Variants in SASS6 observed in about 807,000 individuals in gnomAD.
SASS6 encodes SAS-6 centriolar assembly protein, also known as spindle assembly abnormal protein 6 homolog.
SASS6 carries 59 observed loss-of-function variants against 94.9 expected under a neutral mutation model. The observed-to-expected ratio is 0.62, with a 90% confidence interval of 0.50 to 0.77. The LOEUF (loss-of-function observed/expected upper bound fraction) is 0.77, where lower values mean the gene tolerates loss of function less well. Among genes scored for constraint, SASS6 ranks in the 30% least tolerant of loss-of-function variants. The pLI is 0.00. For missense variants in SASS6, 698 were observed against 734.1 expected (o/e 0.95, Z 0.57); for synonymous variants, 264 against 270.0 (o/e 0.98, Z 0.22).
chr1:100,122,066 A>C (rs571137040), intron 4 of SASS6, among the ~76,000 whole-genome samples: 1 of 152,364 alleles, frequency 6.6e-6, no homozygotes, highest in South Asian at 2.1e-4. Context: ...CAGTAAAAGA[A>C]TCAGGCGTTA....
intron 14 of SASS6, among the ~76,000 whole-genome samples, chr1:100,098,610 C>G (rs557387766): frequency 6.7e-6 from 1 of 150,204 alleles, no homozygotes; most frequent in Non-Finnish European, 1.5e-5. Context: ...TCTATTAGTA[C>G]CAGGCCACCG....
intron 3 of SASS6, 65 bp from the exon 4 acceptor site, chr1:100,122,549 C>CTTTTTTTT (rs71075469): frequency 2.2e-5 from 5 of 224,084 alleles, no homozygotes; most frequent in African/African-American, 6.9e-5. Flanking sequence ...GTTTTGGTGC[C>CTTTTTTTT]TTTTTTTTTT....
At chr1:100,132,318 G>A (rs777201856) in intron 1 of SASS6, among the ~76,000 whole-genome samples, 49 of 152,096 alleles carry the variant, frequency 3.2e-4, no homozygotes, top group Non-Finnish European at 3.2e-4. Context: ...GAACTTTACT[G>A]CCAACATACT....
chr1:100,114,156 G>A (rs980520169), intron 7 of SASS6, among the ~76,000 whole-genome samples: 2 of 152,244 alleles, frequency 1.3e-5, no homozygotes, highest in African/African-American at 4.8e-5. Flanking sequence ...GCTTCAACTA[G>A]GTGAGTGATC....
chr1:100,108,055 T>G (rs776170033), intron 8 of SASS6, 51 bp from the exon 9 acceptor site: 1 of 1,082,588 alleles, frequency 9.2e-7, no homozygotes, highest in Admixed American at 2.4e-5. Flanking sequence ...GGAAGCTGCC[T>G]CATCTGGTTA....
At position 100,083,951 on chromosome 1, in the gene SASS6, C is replaced by T. The variant is rs1328774520; in HGVS notation, c.*1377G>A. On this transcript the variant is annotated 3_prime_UTR_variant, in exon 17 of 17. Transcript: ENST00000287482. ...ACAATAAAGCTCCTTCCAAAATCAC[C>T]AAGAGGCTTCTTTCCAGAATAGCAA... 6.6e-6 allele frequency: 1 copy of T among 151,830 alleles called. No homozygotes were observed. The highest frequency in any genetic ancestry group is 1.5e-5 in the Non-Finnish European group (1 of 67,868). The allele number at this position is 151,830 out of a possible 1,614,324, so 9.4% of individuals were successfully genotyped here. A position where few individuals can be genotyped will look rare whatever the true frequency, so the allele number is the denominator to read the frequency against.
chr1:100,090,839 T>C (rs1294147951), intron 14 of SASS6, among the ~76,000 whole-genome samples: 1 of 151,924 alleles, frequency 6.6e-6, no homozygotes, highest in Non-Finnish European at 1.5e-5. Flanking sequence ...AAGGGAGAAA[T>C]CCTATAAAGT....
rs371541170 is a variant in SASS6 at position 100,098,853 on chromosome 1, G to A, written c.1674+4102C>T. Among the ~76,000 whole-genome samples the A allele has an allele frequency of 3.9e-5, 6 of 152,136 alleles. No individual in the cohort carries two copies. The South Asian group carries it at 1.2e-3, about 32-fold the overall frequency. On this transcript the variant is annotated intron_variant, in intron 14 of 16. Transcript: ENST00000287482. ...AGAACAATTGGCAAGTACTATTTATGTTTATATATAAAAACACTCATATAT... is the reference window on the plus strand; with the variant it reads ...AGAACAATTGGCAAGTACTATTTATATTTATATATAAAAACACTCATATAT...
intron 7 of SASS6, among the ~76,000 whole-genome samples, chr1:100,113,107 A>G (rs564452454): frequency 6.6e-6 from 1 of 152,320 alleles, no homozygotes; most frequent in African/African-American, 2.4e-5. Context: ...TCCATGGACA[A>G]TAGACAAGGA....
chr1:100,107,771 A>G, intron 9 of SASS6, 39 bp downstream of exon 9: 1 of 1,553,248 alleles, frequency 6.4e-7, no homozygotes, highest in Non-Finnish European at 8.8e-7. Flanking sequence ...TTACTTATAA[A>G]TATGATTATC....
chr1:100,126,143 C>T (rs770153782), intron 1 of SASS6, among the ~76,000 whole-genome samples: 1 of 152,168 alleles, frequency 6.6e-6, no homozygotes, highest in Non-Finnish European at 1.5e-5. Flanking sequence ...CAGTGTTTAA[C>T]CTAAAACTAA....
At position 100,084,563 on chromosome 1, in the gene SASS6, G is replaced by C. The variant is rs1340988172; in HGVS notation, c.*765C>G. On this transcript the variant is annotated 3_prime_UTR_variant, in exon 17 of 17. Transcript: ENST00000287482. ...ATAGTAGATTTAGTAGTAGTACCAAGTTTTAAAAGTCCACTGATACAGATT... is the reference window on the plus strand; with the variant it reads ...ATAGTAGATTTAGTAGTAGTACCAACTTTTAAAAGTCCACTGATACAGATT... 1.3e-5 allele frequency: 2 copies of C among 152,054 alleles called. No individual in the cohort carries two copies. Among genetic ancestry groups the C allele is most frequent in the African/African-American group, 2.4e-5 (1 of 41,428 alleles). The allele number at this position is 152,054 out of a possible 1,614,324, so 9.4% of individuals were successfully genotyped here.
intron 7 of SASS6, among the ~76,000 whole-genome samples, chr1:100,110,745 A>G (rs979155142): frequency 2.0e-5 from 3 of 151,946 alleles, no homozygotes; most frequent in Non-Finnish European, 4.4e-5. Flanking sequence ...CTAAATCCAT[A>G]TATGTTTAGG....
chr1:100,099,742 A>G (rs1652334032), intron 14 of SASS6, among the ~76,000 whole-genome samples: 1 of 152,204 alleles, frequency 6.6e-6, no homozygotes, highest in Non-Finnish European at 1.5e-5. Flanking sequence ...AATGCTGTGT[A>G]TTACTGTGTC....
At chr1:100,131,843 T>C (rs1211774874) in intron 1 of SASS6, among the ~76,000 whole-genome samples, 1 of 152,180 alleles carries the variant, frequency 6.6e-6, no homozygotes, top group Non-Finnish European at 1.5e-5. Context: ...CTGATCCTCA[T>C]TACAAACACG....
At chr1:100,127,097 A>G (rs663519) in intron 1 of SASS6, among the ~76,000 whole-genome samples, 59,988 of 152,092 alleles carry the variant, frequency 0.39, 12,249 homozygotes, top group Middle Eastern at 0.5. Context: ...GCTCATAAAC[A>G]TTAATCAAAT....
rs554003023 is a variant in SASS6 at position 100,108,737 on chromosome 1, C to G, written c.862-733G>C. ...AAACAAAATTCAAATCCTGGCTCTT[C>G]TACTGTGTGATCTTGGTAATTACTG... On this transcript the variant is annotated intron_variant, in intron 8 of 16. Coordinates refer to ENST00000287482, the MANE Select transcript of SASS6 (RefSeq NM_194292.3). Among the ~76,000 whole-genome samples the G allele has an allele frequency of 2.6e-5, 4 of 152,176 alleles. No homozygotes were observed. In the East Asian group the frequency reaches 7.7e-4, roughly 29 times the overall value.
At chr1:100,120,150 T>C (rs963731862) in intron 6 of SASS6, among the ~76,000 whole-genome samples, 1 of 152,208 alleles carries the variant, frequency 6.6e-6, no homozygotes, top group African/African-American at 2.4e-5. Flanking sequence ...TCTTATTTAA[T>C]GAAGACTCGA....
chr1:100,088,996 T>C (rs1651500727), intron 14 of SASS6, among the ~76,000 whole-genome samples: 1 of 151,894 alleles, frequency 6.6e-6, no homozygotes, highest in Non-Finnish European at 1.5e-5. Context: ...TCAGAAATGG[T>C]AGAAATTATA....
Sources: allele counts gnomAD v4.1 joint callset (sites outside exome capture counted in the v4.1 genomes callset), GRCh38; gene constraint gnomAD v4.1.1; transcripts MANE v1.5; gene names NCBI Gene and HGNC (gene_info 2026-07-23, HGNC 2026-07-21).